Variants in COX19 observed in about 807,000 individuals in gnomAD.
COX19 encodes cytochrome c oxidase assembly factor COX19.
In COX19, 8 loss-of-function variants were observed where a neutral mutation model predicts 6.8. The ratio of observed to expected loss-of-function variants is 1.18; its 90% CI spans 0.69 to 2.12. The LOEUF is 2.12. Ranked by LOEUF, COX19 falls within the 30% of genes most tolerant of loss-of-function variation. The pLI is 0.00. For synonymous variants in COX19, 51 were observed against 38.0 expected (o/e 1.34, Z -1.26); for missense variants, 131 against 104.6 (o/e 1.25, Z -1.10).
chr7:974,263 A>G (rs1024106688), intron 1 of COX19, among the ~76,000 whole-genome samples: 21 of 151,622 alleles, frequency 1.4e-4, no homozygotes, highest in African/African-American at 5.1e-4. Context: ...AAAAAAAAAA[A>G]AAAAAAAAAT....
rs544288268 is a variant in COX19 at position 973,822 on chromosome 7, C to T, written c.83-530G>A. Among the ~76,000 whole-genome samples the T allele has an allele frequency of 2.9e-4, 44 of 151,168 alleles. 1 individual carries two copies. The South Asian group carries it at 6.9e-3, about 24-fold the overall frequency. ...CTCTATTAAAAATACAAAAATTAGCCGGGCATGGTGGCGGGTGTCTGTAGT... is the reference window on the plus strand; with the variant it reads ...CTCTATTAAAAATACAAAAATTAGCTGGGCATGGTGGCGGGTGTCTGTAGT... On this transcript the variant is annotated intron_variant, in intron 1 of 2. Transcript: ENST00000344111.
chr7:969,285 C>T lies in COX19; in HGVS notation c.*93G>A, dbSNP rs1412713279. ...TATTCGAAGCCCATTTCTAAGGACA[C>T]CACACGCAGGCCTCAGCCAACCTAA... On this transcript the variant is annotated 3_prime_UTR_variant, in exon 3 of 3. Coordinates refer to ENST00000344111, the MANE Select transcript of COX19 (RefSeq NM_001031617.3). The T allele has an allele frequency of 3.7e-6, 3 of 806,034 alleles. No homozygotes were observed. The highest frequency in any genetic ancestry group is 4.9e-5 in the East Asian group (2 of 41,106). 49.9% of individuals were successfully genotyped at this position (806,034 alleles called of 1,614,324 possible).
rs188910474 is a variant in COX19, at chr7:975,257, G to A, written c.82+171C>T. 2.1e-3 allele frequency: 1,105 copies of A among 531,562 alleles called. 11 individuals carry two copies. The highest frequency in any genetic ancestry group is 0.02 in the African/African-American group (973 of 49,436). 32.9% of individuals were successfully genotyped at this position (531,562 alleles called of 1,614,324 possible). On this transcript the variant is annotated intron_variant, in intron 1 of 2. Transcript: ENST00000344111. ...GGTCCTGCCAGCTCCCACCTGCAGGGTCCATGCCGCAGCAGTGACCCAGGG... is the reference window on the plus strand; with the variant it reads ...GGTCCTGCCAGCTCCCACCTGCAGGATCCATGCCGCAGCAGTGACCCAGGG...
At position 967,234 on chromosome 7, in the gene COX19, T is replaced by A. The variant is rs936589576; in HGVS notation, c.*2144A>T. ...AGGAAAAAACAGCGCCTGGACAGGATTCGGGACTATCCGCGGCTTCGGCAC... is the reference window on the plus strand; with the variant it reads ...AGGAAAAAACAGCGCCTGGACAGGAATCGGGACTATCCGCGGCTTCGGCAC... On this transcript the variant is annotated 3_prime_UTR_variant, in exon 3 of 3. Coordinates refer to ENST00000344111, the MANE Select transcript of COX19 (RefSeq NM_001031617.3). 2.0e-5 allele frequency: 3 copies of A among 152,192 alleles called. No individual in the cohort carries two copies. The highest frequency in any genetic ancestry group is 4.4e-5 in the Non-Finnish European group (3 of 68,052). The allele number at this position is 152,192 out of a possible 1,614,324, so 9.4% of individuals were successfully genotyped here.
chr7:973,033 C>T, intron 2 of COX19, 148 bp downstream of exon 2: 1 of 440,180 alleles, frequency 2.3e-6, no homozygotes, highest in East Asian at 3.6e-5. Flanking sequence ...GATAAGCCTC[C>T]ATTTCAAGGG....
intron 2 of COX19, among the ~76,000 whole-genome samples, chr7:972,309 C>T (rs1489615979): frequency 6.6e-6 from 1 of 152,214 alleles, no homozygotes. Flanking sequence ...GTCCACACCG[C>T]TGAGAAGGCC....
At position 975,463 on chromosome 7, in the gene COX19, G is replaced by A. The variant is rs752107932; in HGVS notation, c.47C>T (p.Pro16Leu). ...NFGTKSFQPR[P>L]PDKGSFPLDH... ...CAGCGGGAAGCTGCCCTTGTCCGGG[G>A]GCCGCGGCTGGAAGCTCTTGGTCCC... The change falls in exon 1 of 3, where the codon CCC becomes CTC. Residue 16 changes from proline to leucine, a missense_variant. Pro to Leu is a moderately conservative substitution (Grantham distance 98). Coordinates refer to ENST00000344111, the MANE Select transcript of COX19 (RefSeq NM_001031617.3). 1.2e-6 allele frequency: 2 copies of A among 1,601,840 alleles called. No individual in the cohort carries two copies. Among genetic ancestry groups the A allele is most frequent in the South Asian group, 2.2e-5 (2 of 89,428 alleles).
intron 1 of COX19, among the ~76,000 whole-genome samples, chr7:974,671 T>G (rs1372228446): frequency 6.6e-6 from 1 of 152,046 alleles, no homozygotes; most frequent in Non-Finnish European, 1.5e-5. Flanking sequence ...CTTTCTTTTT[T>G]TTTTTGAGAC....
At chr7:974,277 C>G (rs1025968213) in intron 1 of COX19, among the ~76,000 whole-genome samples, 1 of 144,530 alleles carries the variant, frequency 6.9e-6, no homozygotes, top group Non-Finnish European at 1.5e-5. Context: ...AAAAAATTAG[C>G]TGGGTGTGGC....
intron 1 of COX19, among the ~76,000 whole-genome samples, chr7:974,040 A>C (rs1480513481): frequency 4.0e-5 from 6 of 151,130 alleles, no homozygotes; most frequent in Admixed American, 6.6e-5. Flanking sequence ...ATAAAAAAAC[A>C]ATAATAATTA....
chr7:975,135 G>T, intron 1 of COX19: 1 of 366,286 alleles, frequency 2.7e-6, no homozygotes, highest in Non-Finnish European at 4.9e-6. Flanking sequence ...CTGCAAACCC[G>T]GGGCACAGAC....
intron 1 of COX19, among the ~76,000 whole-genome samples, chr7:974,363 G>A (rs1290169639): frequency 6.6e-6 from 1 of 152,008 alleles, no homozygotes; most frequent in African/African-American, 2.4e-5. Context: ...GAAGGAGGCC[G>A]AGGCTTCAGT....
rs1847591335 is a variant in COX19 at position 968,559 on chromosome 7, T to G, written c.*819A>C. On this transcript the variant is annotated 3_prime_UTR_variant, in exon 3 of 3. Transcript: ENST00000344111. ...TTGGGCCCCGGCTGGCCTGACGCAC[T>G]GGGTGGACATGGGCCGGGTTTCCGT... 6.6e-6 allele frequency: 1 copy of G among 152,238 alleles called. No homozygotes were observed. Among genetic ancestry groups the G allele is most frequent in the South Asian group, 2.1e-4 (1 of 4,830 alleles). The allele number at this position is 152,238 out of a possible 1,614,324, so 9.4% of individuals were successfully genotyped here. A position where few individuals can be genotyped will look rare whatever the true frequency, so the allele number is the denominator to read the frequency against.
At chr7:969,506 G>A (rs975033668) in intron 2 of COX19, 50 bp from the exon 3 acceptor site, 1 of 1,225,882 alleles carries the variant, frequency 8.2e-7, no homozygotes, top group South Asian at 1.2e-5. Context: ...GAGAGGACAA[G>A]AGGGGCCCTT....
chr7:972,280 A>T (rs1379428731), intron 2 of COX19, among the ~76,000 whole-genome samples: 1 of 152,246 alleles, frequency 6.6e-6, no homozygotes, highest in Non-Finnish European at 1.5e-5. Flanking sequence ...CCCCAAAGGC[A>T]GAACGTGGCC....
chr7:974,697 C>G (rs539743617), intron 1 of COX19, among the ~76,000 whole-genome samples: 6 of 151,592 alleles, frequency 4.0e-5, no homozygotes, highest in Admixed American at 1.3e-4. Context: ...CTCACTCTGT[C>G]GCCCAAGCTG....
rs1847533862 is a variant in COX19, at chr7:965,224, T to C, written c.*4154A>G. On this transcript the variant is annotated 3_prime_UTR_variant, in exon 3 of 3. Coordinates refer to ENST00000344111, the MANE Select transcript of COX19 (RefSeq NM_001031617.3). ...CGACTCAATCTATTCCACTATAGTT[T>C]CATACAAAGCATATTTTTTTTTCCT... 6.6e-6 allele frequency among the ~76,000 whole-genome samples: 1 copy of C among 152,194 alleles called. No individual in the cohort carries two copies. Among genetic ancestry groups the C allele is most frequent in the Non-Finnish European group, 1.5e-5 (1 of 68,048 alleles).
Position 965,917 on chromosome 7 carries a change from G to C in COX19, c.*3461C>G, listed in dbSNP as rs1847546119. Among the ~76,000 whole-genome samples, 1 of 152,190 alleles carries C rather than the reference G, an allele frequency of 6.6e-6. No individual in the cohort carries two copies. The highest frequency in any genetic ancestry group is 1.5e-5 in the Non-Finnish European group (1 of 68,036). On this transcript the variant is annotated 3_prime_UTR_variant, in exon 3 of 3. Coordinates refer to ENST00000344111, the MANE Select transcript of COX19 (RefSeq NM_001031617.3). ...GCCTCCCAAAGTGTTGGGATTATAG[G>C]CGTGAGCCACTGGCGCCCGGCCCGC... is the stretch of plus-strand genomic sequence containing the variant.
In COX19 at chr7:966,160, T is replaced by C. The variant is rs1465605371; in HGVS notation, c.*3218A>G. 5 of 151,330 alleles carry C rather than the reference T, an allele frequency of 3.3e-5. No individual in the cohort carries two copies. The highest frequency in any genetic ancestry group is 7.4e-5 in the Non-Finnish European group (5 of 67,814). 9.4% of individuals were successfully genotyped at this position (151,330 alleles called of 1,614,324 possible). A position where few individuals can be genotyped will look rare whatever the true frequency, so the allele number is the denominator to read the frequency against. Reference sequence around the variant, plus strand: ...TTAATTTTCTTTCTTTTTTTTTTTTTTTTTTCCTTTGGTGAGACAGGGTCC... The same window carrying C: ...TTAATTTTCTTTCTTTTTTTTTTTTCTTTTTCCTTTGGTGAGACAGGGTCC... On this transcript the variant is annotated 3_prime_UTR_variant, in exon 3 of 3. Coordinates refer to ENST00000344111, the MANE Select transcript of COX19 (RefSeq NM_001031617.3).
Sources: allele counts gnomAD v4.1 joint callset (sites outside exome capture counted in the v4.1 genomes callset), GRCh38; gene constraint gnomAD v4.1.1; transcripts MANE v1.5; gene names NCBI Gene and HGNC (gene_info 2026-07-23, HGNC 2026-07-21).